Variants in TRIM33 observed in about 807,000 individuals in gnomAD.
TRIM33 encodes the protein tripartite motif containing 33.
TRIM33 carries 20 observed loss-of-function variants against 125.4 expected under a neutral mutation model. The ratio of observed to expected loss-of-function variants is 0.16; its 90% CI spans 0.11 to 0.23. The LOEUF is 0.23. Ranked by LOEUF, TRIM33 falls within the 10% of genes least tolerant of loss-of-function variation. The probability of loss-of-function intolerance (pLI) is 1.00; values close to 1 mark genes in which losing one functional copy is unlikely to be tolerated. For missense variants in TRIM33, 920 were observed against 1,411.4 expected (o/e 0.65, Z 5.58); for synonymous variants, 564 against 513.9 (o/e 1.10, Z -1.32).
rs1651644292 is a variant in TRIM33, at chr1:114,397,967, ATAAACT to A, written c.3138_3143del (p.Gln1046_Tyr1048delinsHis). The A allele has an allele frequency of 6.2e-7, 1 of 1,613,390 alleles. No homozygotes were observed. Among genetic ancestry groups the A allele is most frequent in the East Asian group, 2.2e-5 (1 of 44,854 alleles). On this transcript the variant is annotated inframe_deletion, in exon 19 of 20. Transcript: ENST00000358465. ...TCAAATTAATCTCTTGTGTGTCTGC[ATAAACT>A]TGAACAACTTTCATCATCTAAAAAG...
chr1:114,398,931 C>CAAAAAA (rs1243055112), intron 18 of TRIM33, among the ~76,000 whole-genome samples: 9 of 139,488 alleles, frequency 6.5e-5, no homozygotes, highest in African/African-American at 2.4e-4. Context: ...CAAAACAAAA[C>CAAAAAA]AAAAAACAAA....
At chr1:114,457,643 G>A (rs978613384) in intron 4 of TRIM33, among the ~76,000 whole-genome samples, 1 of 152,162 alleles carries the variant, frequency 6.6e-6, no homozygotes, top group Non-Finnish European at 1.5e-5. Flanking sequence ...TTTCCCTAAG[G>A]CTGACTTTGA....
At chr1:114,508,552 T>C (rs1299141453) in intron 1 of TRIM33, among the ~76,000 whole-genome samples, 2 of 152,140 alleles carry the variant, frequency 1.3e-5, no homozygotes, top group African/African-American at 2.4e-5. Context: ...CATGTACCAA[T>C]AATGCTAGAA....
At chr1:114,398,338 C>A (rs2101075048) in intron 18 of TRIM33, among the ~76,000 whole-genome samples, 2 of 152,268 alleles carry the variant, frequency 1.3e-5, no homozygotes, top group Middle Eastern at 6.8e-3. Context: ...TTTCAACAAA[C>A]CACTTAATAA....
chr1:114,435,676 A>G (rs1648231235), intron 4 of TRIM33, among the ~76,000 whole-genome samples: 1 of 152,008 alleles, frequency 6.6e-6, no homozygotes, highest in Non-Finnish European at 1.5e-5. Context: ...GTTATAGAAA[A>G]CTGCTGGTGC....
At chr1:114,403,474 G>A (rs1015725141) in intron 15 of TRIM33, among the ~76,000 whole-genome samples, 19 of 151,954 alleles carry the variant, frequency 1.3e-4, no homozygotes, top group African/African-American at 4.1e-4. Context: ...GGGTTCAAGC[G>A]ATTCTTGTAC....
rs36115645 is a variant in TRIM33, at chr1:114,427,303, GA to G, written c.1303-10del. On this transcript the variant is annotated splice_polypyrimidine_tract_variant and intron_variant, in intron 7 of 19. Coordinates refer to ENST00000358465, the MANE Select transcript of TRIM33 (RefSeq NM_015906.4). ...CGCAACTGGAAAGTAATCTTAAAGGGAAAAAAATCCACATTAGTCTCAAAAT... is the reference window on the plus strand; with the variant it reads ...CGCAACTGGAAAGTAATCTTAAAGGGAAAAAATCCACATTAGTCTCAAAAT... The G allele has an allele frequency of 0.17, 233,847 of 1,398,508 alleles. 21,898 individuals are homozygous for G. Among genetic ancestry groups the G allele is most frequent in the Non-Finnish European group, 0.18 (183,322 of 1,008,158 alleles). The allele number at this position is 1,398,508 out of a possible 1,614,324, so 86.6% of individuals were successfully genotyped here.
chr1:114,399,666 T>C (rs1290945576), intron 17 of TRIM33, 57 bp from the exon 18 acceptor site: 1 of 1,407,184 alleles, frequency 7.1e-7, no homozygotes, highest in Admixed American at 2.1e-5. Flanking sequence ...AACTGTTTAA[T>C]TTGAAAATGC....
chr1:114,424,735 C>T lies in TRIM33; in HGVS notation c.1716G>A (p.Val572=), dbSNP rs932580264. 7.0e-6 allele frequency: 11 copies of T among 1,577,268 alleles called. No homozygotes were observed. Among genetic ancestry groups the T allele is most frequent in the Non-Finnish European group, 8.6e-6 (10 of 1,162,282 alleles). Residue 572 remains valine (V), a synonymous_variant, in exon 10 of 20, where the codon GTG becomes GTA. Transcript: ENST00000358465. Reference sequence around the variant, plus strand: ...TCATGTTGCCTCTTTGCATTGTTTGCACACTGATCAATCGAGGAGGCTACA... The same window carrying T: ...TCATGTTGCCTCTTTGCATTGTTTGTACACTGATCAATCGAGGAGGCTACA... The part of the protein sequence containing the change: ...LQQQPPRLIS[V]QTMQRGNMNC...
intron 4 of TRIM33, among the ~76,000 whole-genome samples, chr1:114,437,964 C>G (rs1648409756): frequency 6.6e-6 from 1 of 152,074 alleles, no homozygotes; most frequent in African/African-American, 2.4e-5. Context: ...GGCACAGTGG[C>G]CCACACCTGT....
At chr1:114,481,651 G>T (rs892985708) in intron 1 of TRIM33, among the ~76,000 whole-genome samples, 1 of 142,452 alleles carries the variant, frequency 7.0e-6, no homozygotes, top group African/African-American at 2.7e-5. Flanking sequence ...GTGTGTGTGT[G>T]TGTGTGTGTG....
In TRIM33 at chr1:114,395,213, T is replaced by C. The variant is rs953022784; in HGVS notation, c.*2435A>G. 4.9e-6 allele frequency: 1 copy of C among 205,722 alleles called. No individual in the cohort carries two copies. The highest frequency in any genetic ancestry group is 2.3e-5 in the African/African-American group (1 of 43,796). 12.7% of individuals were successfully genotyped at this position (205,722 alleles called of 1,614,324 possible). On this transcript the variant is annotated 3_prime_UTR_variant, in exon 20 of 20. Coordinates refer to ENST00000358465, the MANE Select transcript of TRIM33 (RefSeq NM_015906.4). ...TGAATACCTTAATTTAATGGTGGTATGTTGATAGCTATTAATAGTAATTCC... is the reference window on the plus strand; with the variant it reads ...TGAATACCTTAATTTAATGGTGGTACGTTGATAGCTATTAATAGTAATTCC...
chr1:114,425,793 T>C (rs1379807599), intron 8 of TRIM33, 70 bp from the exon 9 acceptor site: 1 of 1,148,444 alleles, frequency 8.7e-7, no homozygotes, highest in South Asian at 1.5e-5. Context: ...GTAATCACCA[T>C]GTTTTCCTCT....
intron 11 of TRIM33, among the ~76,000 whole-genome samples, chr1:114,413,149 T>A (rs1340449097): frequency 2.0e-5 from 3 of 152,150 alleles, no homozygotes; most frequent in African/African-American, 4.8e-5. Context: ...TTGTTTTTAA[T>A]AGTAACATGT....
At chr1:114,478,056 G>A (rs1467897831) in intron 1 of TRIM33, among the ~76,000 whole-genome samples, 4 of 152,104 alleles carry the variant, frequency 2.6e-5, no homozygotes, top group Admixed American at 6.5e-5. Context: ...CTGTCACAAA[G>A]AAAAAAAGCA....
intron 4 of TRIM33, among the ~76,000 whole-genome samples, chr1:114,439,844 G>C (rs1458494861): frequency 3.3e-5 from 5 of 152,114 alleles, no homozygotes; most frequent in Non-Finnish European, 5.9e-5. Flanking sequence ...AAATAAAACA[G>C]ATTTCTTGAT....
intron 1 of TRIM33, among the ~76,000 whole-genome samples, chr1:114,505,181 A>G (rs1380234214): frequency 6.6e-6 from 1 of 152,214 alleles, no homozygotes; most frequent in African/African-American, 2.4e-5. Flanking sequence ...AGGTAGTTTG[A>G]CCACAATGCT....
rs1477630334 is a variant in TRIM33 at position 114,467,411 on chromosome 1, A to G, written c.527-3023T>C. Among the ~76,000 whole-genome samples, 11 of 152,184 alleles carry G rather than the reference A, an allele frequency of 7.2e-5. 1 individual carries two copies. The East Asian group carries it at 1.7e-3, about 24-fold the overall frequency. On this transcript the variant is annotated intron_variant, in intron 1 of 19. Coordinates refer to ENST00000358465, the MANE Select transcript of TRIM33 (RefSeq NM_015906.4). ...TTTGGATAGATGGTGTTTAACTAGC[A>G]TATTTCTGGAGCTGAAGGGTGTGGA...
chr1:114,458,486 A>G (rs1351538854), intron 4 of TRIM33, among the ~76,000 whole-genome samples: 1 of 152,168 alleles, frequency 6.6e-6, no homozygotes, highest in Non-Finnish European at 1.5e-5. Flanking sequence ...TCAGGAAGTG[A>G]CTCAGCATAA....
Sources: allele counts gnomAD v4.1 joint callset (sites outside exome capture counted in the v4.1 genomes callset), GRCh38; gene constraint gnomAD v4.1.1; transcripts MANE v1.5; gene names NCBI Gene and HGNC (gene_info 2026-07-23, HGNC 2026-07-21).